The following MYO18B variants were observed in gnomAD, a reference collection of about 807,000 sequenced individuals.
MYO18B encodes myosin XVIIIB, also known as unconventional myosin-XVIIIb.
A neutral mutation model predicts 273.0 loss-of-function variants in MYO18B; 204 were observed. That is an observed-to-expected ratio of 0.75 (90% CI 0.67 to 0.84). The LOEUF is 0.84. Among genes scored for constraint, MYO18B ranks in the 40% least tolerant of loss-of-function variants. MYO18B has a pLI of 0.00. For missense variants in MYO18B, 3,212 were observed against 3,287.6 expected, an observed-to-expected ratio of 0.98 and a Z score of 0.56; for synonymous variants, 1,330 against 1,305.7, an observed-to-expected ratio of 1.02 and a Z score of -0.40.
chr22:25,917,891 C>A (rs1392643577), intron 33 of MYO18B, among the ~76,000 whole-genome samples: 3 of 151,994 alleles, frequency 2.0e-5, no homozygotes, highest in Admixed American at 2.0e-4. Context: ...TAATTTTTTA[C>A]TAACATTAAT....
intron 40 of MYO18B, among the ~76,000 whole-genome samples, chr22:25,994,239 G>T (rs762077086): frequency 2.0e-5 from 3 of 152,164 alleles, no homozygotes; most frequent in Non-Finnish European, 2.9e-5. Context: ...AGCTAAGGCG[G>T]GAGGATCACT....
rs144529640 is a variant in MYO18B at position 25,976,297 on chromosome 22, C to G, written c.6157-16066C>G. 1.3e-3 allele frequency among the ~76,000 whole-genome samples: 203 copies of G among 152,290 alleles called. 5 individuals carry two copies. In the South Asian group the frequency reaches 0.027, roughly 20 times the overall value. On this transcript the variant is annotated intron_variant, in intron 39 of 43. Coordinates refer to ENST00000335473, the MANE Select transcript of MYO18B (RefSeq NM_032608.7). ...TCTTTTGGTCAGAAATAAAAATCCACCCAGAACCTCTCTCTTGAGGCCACT... is the reference window on the plus strand; with the variant it reads ...TCTTTTGGTCAGAAATAAAAATCCAGCCAGAACCTCTCTCTTGAGGCCACT...
intron 27 of MYO18B, chr22:25,892,530 G>T (rs1385703331): frequency 6.6e-6 from 1 of 152,172 alleles, no homozygotes; most frequent in Non-Finnish European, 1.5e-5. Context: ...AATGGAGTTG[G>T]GTGAGAAGGA....
chr22:25,965,917 G>A (rs914736067), intron 39 of MYO18B, among the ~76,000 whole-genome samples: 7 of 152,286 alleles, frequency 4.6e-5, no homozygotes, highest in East Asian at 1.9e-4. Flanking sequence ...GTTAGAAGGC[G>A]GTTGGCAGAG....
At chr22:25,948,449 TCCTTCC>T (rs2092746660) in intron 36 of MYO18B, among the ~76,000 whole-genome samples, 1 of 130,248 alleles carries the variant, frequency 7.7e-6, no homozygotes, top group Non-Finnish European at 1.6e-5. Flanking sequence ...CTTCCTTCCT[TCCTTCC>T]TTCCTTCTTT....
At chr22:25,840,672 T>C (rs1389450103) in intron 17 of MYO18B, among the ~76,000 whole-genome samples, 1 of 152,214 alleles carries the variant, frequency 6.6e-6, no homozygotes, top group Non-Finnish European at 1.5e-5. Context: ...GGAAATGTAT[T>C]ATCAAAGGGA....
intron 1 of MYO18B, among the ~76,000 whole-genome samples, chr22:25,753,164 A>C (rs577717476): frequency 2.7e-5 from 4 of 150,774 alleles, no homozygotes; most frequent in African/African-American, 1.0e-4. Context: ...TCAGTGCGGG[A>C]AGCTCAGCCC....
intron 20 of MYO18B, among the ~76,000 whole-genome samples, chr22:25,848,571 TG>T (rs1471462836): frequency 6.6e-6 from 1 of 152,140 alleles, no homozygotes; most frequent in East Asian, 1.9e-4. Context: ...CAGGTCCACC[TG>T]GGGAGATGAT....
rs560455760 is a variant in MYO18B, at chr22:25,742,200, C to T, written c.-203C>T. ...GTGTGGAGAGGGTGCTCCTTCGCTC[C>T]TGCTTTCCCGGCTCGGTGGGGTCCC... On this transcript the variant is annotated 5_prime_UTR_variant, in exon 1 of 44. Transcript: ENST00000335473. 1 of 152,492 alleles carries T rather than the reference C, an allele frequency of 6.6e-6. No individual in the cohort carries two copies. Among genetic ancestry groups the T allele is most frequent in the African/African-American group, 2.4e-5 (1 of 41,538 alleles). 9.4% of individuals were successfully genotyped at this position (152,492 alleles called of 1,614,324 possible).
At chr22:25,780,308 A>G in intron 9 of MYO18B, 110 bp downstream of exon 9, 1 of 1,339,642 alleles carries the variant, frequency 7.5e-7, no homozygotes, top group South Asian at 1.4e-5. Flanking sequence ...TGTGTCTGAA[A>G]TGGTCATGGC....
At chr22:25,843,189 C>A (rs941091819) in intron 17 of MYO18B, among the ~76,000 whole-genome samples, 1 of 152,120 alleles carries the variant, frequency 6.6e-6, no homozygotes, top group Non-Finnish European at 1.5e-5. Flanking sequence ...TTTTTTCTCC[C>A]ACCCTGTCTC....
chr22:25,907,153 C>T (rs765124675), intron 31 of MYO18B, among the ~76,000 whole-genome samples: 26 of 152,224 alleles, frequency 1.7e-4, no homozygotes, highest in Non-Finnish European at 2.5e-4. Context: ...TTTAAAAATG[C>T]GTTTGTAATT....
chr22:25,814,746 C>T (rs191666486), intron 12 of MYO18B, among the ~76,000 whole-genome samples: 2 of 152,168 alleles, frequency 1.3e-5, no homozygotes, highest in East Asian at 1.9e-4. Context: ...ATGACAGTGG[C>T]GATGATGATG....
chr22:26,026,658 G>A lies in MYO18B; in HGVS notation c.6684G>A (p.Leu2228=). 1 of 1,613,828 alleles carries A rather than the reference G, an allele frequency of 6.2e-7. No homozygotes were observed. The highest frequency in any genetic ancestry group is 8.5e-7 in the Non-Finnish European group (1 of 1,179,862). ...TERLEPASSP[L]ASRSTNTSPL... ...GATTAGAACCTGCTTCCTCTCCCCT[G>A]GCTTCTCGGAGTACAAATACATCCC... Residue 2228 remains leucine (L), a synonymous_variant, in exon 43 of 44, where the codon CTG becomes CTA. Coordinates refer to ENST00000335473, the MANE Select transcript of MYO18B (RefSeq NM_032608.7).
intron 24 of MYO18B, among the ~76,000 whole-genome samples, chr22:25,876,682 T>C (rs955052830): frequency 2.0e-5 from 3 of 152,112 alleles, no homozygotes; most frequent in Admixed American, 2.0e-4. Context: ...ACAACACTCT[T>C]TTTCTTTCAT....
chr22:25,845,641 A>G (rs1331607752), intron 18 of MYO18B, among the ~76,000 whole-genome samples: 1 of 152,206 alleles, frequency 6.6e-6, no homozygotes, highest in Non-Finnish European at 1.5e-5. Context: ...CTGGGTATTT[A>G]TTTGACATTA....
chr22:25,862,198 T>C (rs1196750882), intron 21 of MYO18B, among the ~76,000 whole-genome samples: 1 of 152,200 alleles, frequency 6.6e-6, no homozygotes, highest in Non-Finnish European at 1.5e-5. Context: ...AAAGGACTCA[T>C]GCATCTGCAG....
intron 42 of MYO18B, among the ~76,000 whole-genome samples, chr22:26,020,308 G>A (rs1193036212): frequency 6.6e-6 from 1 of 152,020 alleles, no homozygotes; most frequent in African/African-American, 2.4e-5. Context: ...AAATGATGGG[G>A]CCCCATTCAT....
chr22:26,003,392 A>G lies in MYO18B; in HGVS notation c.6332+83A>G, dbSNP rs1239673454. The G allele has an allele frequency of 2.5e-6, 3 of 1,219,596 alleles. 1 individual carries two copies. The highest frequency in any genetic ancestry group is 2.4e-6 in the Non-Finnish European group (2 of 843,356). 75.5% of individuals were successfully genotyped at this position (1,219,596 alleles called of 1,614,324 possible). On this transcript the variant is annotated intron_variant, in intron 41 of 43. Coordinates refer to ENST00000335473, the MANE Select transcript of MYO18B (RefSeq NM_032608.7). ...TGTCCAGTTTGCAGAGGGAACATCC[A>G]TGTCCACTTGGAGAATTATCAGTGA...
Sources: allele counts gnomAD v4.1 joint callset (sites outside exome capture counted in the v4.1 genomes callset), GRCh38; gene constraint gnomAD v4.1.1; transcripts MANE v1.5; gene names NCBI Gene and HGNC (gene_info 2026-07-23, HGNC 2026-07-21).